MED15: variants seen among roughly 807,000 people sequenced by gnomAD.
The protein encoded by MED15 is mediator of RNA polymerase II transcription subunit 15.
Under a neutral mutation model 118.7 loss-of-function variants are expected in MED15, and 41 were observed. That is an observed-to-expected ratio of 0.35 (90% CI 0.27 to 0.45). The LOEUF is 0.45. Ranked by LOEUF, MED15 falls within the 20% of genes least tolerant of loss-of-function variation. The pLI, the probability that MED15 is intolerant of heterozygous loss-of-function variation, is 1.00. For missense variants in MED15, 740 were observed against 1,025.5 expected (o/e 0.72, Z 3.80); for synonymous variants, 436 against 413.9 (o/e 1.05, Z -0.65).
chr22:20,586,598 G>A lies in MED15; in HGVS notation c.2261G>A (p.Arg754His), dbSNP rs368856165. 3.1e-5 allele frequency: 50 copies of A among 1,612,820 alleles called. No homozygotes were observed. The highest frequency in any genetic ancestry group is 1.0e-4 in the Admixed American group (6 of 60,010). Residue 754 changes from arginine to histidine, a missense_variant, in exon 18 of 18, where the codon CGC becomes CAC. Coordinates refer to ENST00000263205, the MANE Select transcript of MED15 (RefSeq NM_001003891.3). ...DANPFLQSVHRCMTSRLLQLP... is the reference protein window; with the variant it reads ...DANPFLQSVHHCMTSRLLQLP... ...AACCCCTTCCTCCAGTCGGTGCACC[G>A]CTGCATGACCTCCAGGCTGCTGCAG... is the stretch of plus-strand genomic sequence containing the variant.
chr22:20,575,188 A>G lies in MED15; in HGVS notation c.1228A>G (p.Ile410Val). ...CCCGCCTACCACCGCTGTGTCCGCC[A>G]TCCCGTCAAGCTCCATCCCTTTGGG... Reference protein sequence around the residue: ...RFPPTTAVSAIPSSSIPLGRQ... With the variant: ...RFPPTTAVSAVPSSSIPLGRQ... Residue 410 changes from isoleucine to valine, a missense_variant, in exon 9 of 18, where the codon ATC becomes GTC. This residue lies in a region of MED15 where 384 missense variants were observed against 506.3 expected (regional missense o/e 0.76). Coordinates refer to ENST00000263205, the MANE Select transcript of MED15 (RefSeq NM_001003891.3). 3.7e-6 allele frequency: 6 copies of G among 1,614,162 alleles called. No individual in the cohort carries two copies. Among genetic ancestry groups the G allele is most frequent in the Non-Finnish European group, 5.1e-6 (6 of 1,180,042 alleles).
At chr22:20,569,595 A>T (rs1045780867) in intron 8 of MED15, among the ~76,000 whole-genome samples, 8 of 151,990 alleles carry the variant, frequency 5.3e-5, no homozygotes, top group African/African-American at 1.5e-4. Flanking sequence ...AATGTCCTTC[A>T]TGGTGCCTGC....
At chr22:20,572,318 T>TGC (rs2146625791) in intron 8 of MED15, among the ~76,000 whole-genome samples, 1 of 152,354 alleles carries the variant, frequency 6.6e-6, no homozygotes, top group East Asian at 1.9e-4. Context: ...TGCCGCGTGC[T>TGC]GCGGAAACAG....
At chr22:20,575,371 T>C in intron 9 of MED15, 139 bp downstream of exon 9, 1 of 910,082 alleles carries the variant, frequency 1.1e-6, no homozygotes, top group Non-Finnish European at 1.5e-6. Flanking sequence ...ACAGTCCCTT[T>C]TTTTTTTTTT....
At chr22:20,551,514 T>C (rs906360001) in intron 3 of MED15, 27 bp downstream of exon 3, 1 of 1,608,384 alleles carries the variant, frequency 6.2e-7, no homozygotes, top group Non-Finnish European at 8.5e-7. Context: ...ATTTCTGGGT[T>C]GTTGAGATCT....
chr22:20,565,518 A>G (rs2056402616), intron 6 of MED15, among the ~76,000 whole-genome samples: 1 of 152,192 alleles, frequency 6.6e-6, no homozygotes, highest in African/African-American at 2.4e-5. Context: ...TAGAGAGTCT[A>G]GACGTGTTAA....
intron 1 of MED15, among the ~76,000 whole-genome samples, chr22:20,522,367 T>C (rs1245304905): frequency 6.6e-6 from 1 of 152,146 alleles, no homozygotes; most frequent in Non-Finnish European, 1.5e-5. Context: ...TCAAGGAACC[T>C]GTCTGTAACA....
At chr22:20,586,400 G>A (rs879605133) in intron 17 of MED15, among the ~76,000 whole-genome samples, 168 bp from the exon 18 acceptor site, 6 of 152,226 alleles carry the variant, frequency 3.9e-5, no homozygotes, top group Admixed American at 3.3e-4. Context: ...TCTCACTGAC[G>A]ATGAGGCTCT....
intron 2 of MED15, among the ~76,000 whole-genome samples, chr22:20,544,603 T>G (rs984679331): frequency 6.6e-6 from 1 of 152,086 alleles, no homozygotes; most frequent in African/African-American, 2.4e-5. Flanking sequence ...GAGGTGGAGC[T>G]TGCAGTGAGC....
chr22:20,552,744 A>G (rs978198480), intron 3 of MED15: 7 of 278,746 alleles, frequency 2.5e-5, no homozygotes, highest in Non-Finnish European at 5.1e-5. Flanking sequence ...AGTGGGCTGC[A>G]AAGGGAGGCA....
At chr22:20,539,475 C>A (rs2055206586) in intron 2 of MED15, among the ~76,000 whole-genome samples, 1 of 152,188 alleles carries the variant, frequency 6.6e-6, no homozygotes, top group African/African-American at 2.4e-5. Flanking sequence ...ATTTTATAGC[C>A]ATTCGTTAGT....
At chr22:20,570,973 T>TG (rs2056642982) in intron 8 of MED15, among the ~76,000 whole-genome samples, 1 of 151,760 alleles carries the variant, frequency 6.6e-6, no homozygotes, top group Admixed American at 6.6e-5. Context: ...TGGGCCAGGC[T>TG]GGTCTTAAGC....
At chr22:20,566,878 C>T in intron 7 of MED15, 61 bp downstream of exon 7, 1 of 1,584,012 alleles carries the variant, frequency 6.3e-7, no homozygotes, top group Non-Finnish European at 8.6e-7. Context: ...GCAGTAGTTT[C>T]TAGGCTCTTT....
intron 1 of MED15, among the ~76,000 whole-genome samples, chr22:20,517,528 C>G (rs2054296381): frequency 6.6e-6 from 1 of 152,176 alleles, no homozygotes; most frequent in Non-Finnish European, 1.5e-5. Flanking sequence ...GCTCTTTTCA[C>G]TGCCCCCACC....
At chr22:20,530,894 A>G (rs1160318196) in intron 1 of MED15, among the ~76,000 whole-genome samples, 3 of 152,204 alleles carry the variant, frequency 2.0e-5, no homozygotes, top group African/African-American at 4.8e-5. Flanking sequence ...AATAACCTCA[A>G]CACATGGCGG....
chr22:20,569,123 G>A (rs1601608284), intron 8 of MED15, among the ~76,000 whole-genome samples: 1 of 152,076 alleles, frequency 6.6e-6, no homozygotes, highest in Non-Finnish European at 1.5e-5. Flanking sequence ...GGTGAGAAGC[G>A]TGCCACTCCC....
intron 16 of MED15, 78 bp downstream of exon 16, chr22:20,585,345 G>C (rs916507839): frequency 2.4e-5 from 38 of 1,555,014 alleles, no homozygotes; most frequent in Admixed American, 1.0e-4. Flanking sequence ...ATCCAAGCCA[G>C]ATGGCACAGC....
intron 1 of MED15, chr22:20,508,279 G>T: frequency 7.7e-7 from 1 of 1,298,966 alleles, no homozygotes; most frequent in Non-Finnish European, 1.0e-6. Context: ...AAGGATGGCA[G>T]GAAGCCGCTG....
intron 13 of MED15, 31 bp from the exon 14 acceptor site, chr22:20,584,328 C>G: frequency 1.9e-6 from 3 of 1,610,492 alleles, no homozygotes; most frequent in Non-Finnish European, 2.5e-6. Context: ...ATGTCTTCCA[C>G]TCTTTCAGCC....
Sources: allele counts gnomAD v4.1 joint callset (sites outside exome capture counted in the v4.1 genomes callset), GRCh38; gene constraint gnomAD v4.1.1; regional missense constraint gnomAD v4.1.1; transcripts MANE v1.5; gene names NCBI Gene and HGNC (gene_info 2026-07-23, HGNC 2026-07-21).